The following SNRNP40 variants were observed in gnomAD, a reference collection of about 807,000 sequenced individuals.
SNRNP40 encodes the protein U5 small nuclear ribonucleoprotein 40 kDa protein.
Under a neutral mutation model 45.8 loss-of-function variants are expected in SNRNP40, and 21 were observed. The ratio of observed to expected loss-of-function variants is 0.46; its 90% CI spans 0.32 to 0.66. The LOEUF (loss-of-function observed/expected upper bound fraction) is 0.66. SNRNP40 is among the 30% of genes least tolerant of loss of function. The probability of loss-of-function intolerance (pLI) is 0.03; values close to 1 mark genes in which losing one functional copy is unlikely to be tolerated. For missense variants in SNRNP40, 344 were observed against 439.1 expected (o/e 0.78, Z 1.94); for synonymous variants, 142 against 163.8 (o/e 0.87, Z 1.01).
At chr1:31,282,877 C>T (rs1251538972) in intron 4 of SNRNP40, among the ~76,000 whole-genome samples, 6 of 152,038 alleles carry the variant, frequency 3.9e-5, no homozygotes, top group Admixed American at 1.3e-4. Flanking sequence ...GGTTTCGCCA[C>T]GTTGACCAGG....
At position 31,289,486 on chromosome 1, in the gene SNRNP40, A is replaced by C. The variant is rs1020048767; in HGVS notation, c.366-67T>G. 2.0e-6 allele frequency: 3 copies of C among 1,490,998 alleles called. No homozygotes were observed. In the African/African-American group the frequency reaches 4.2e-5, roughly 21 times the overall value. 92.4% of individuals were successfully genotyped at this position (1,490,998 alleles called of 1,614,324 possible). On this transcript the variant is annotated intron_variant, in intron 3 of 9. Transcript: ENST00000263694. ...TAAACAGTAACAATCTATCTTTCCT[A>C]CTTGACAAAAGGTGCCAAATTTTTC... is the stretch of plus-strand genomic sequence containing the variant.
At chr1:31,288,154 C>A (rs374564018) in intron 4 of SNRNP40, among the ~76,000 whole-genome samples, 27 of 149,646 alleles carry the variant, frequency 1.8e-4, no homozygotes, top group Admixed American at 1.4e-3. Context: ...TAGAGCAAGA[C>A]CCTGTCTCAA....
intron 5 of SNRNP40, among the ~76,000 whole-genome samples, chr1:31,273,197 T>G (rs1202020693): frequency 6.6e-6 from 1 of 152,216 alleles, no homozygotes; most frequent in Non-Finnish European, 1.5e-5. Context: ...CCTTCTCTTC[T>G]GAGAAGGCAC....
chr1:31,293,038 T>G (rs1646117986), intron 2 of SNRNP40, 181 bp downstream of exon 2: 2 of 622,194 alleles, frequency 3.2e-6, no homozygotes, highest in South Asian at 2.0e-5. Context: ...ATTTACCCCA[T>G]GGACTCCAAG....
chr1:31,286,165 T>TACAC (rs36080060), intron 4 of SNRNP40, among the ~76,000 whole-genome samples: 114 of 150,494 alleles, frequency 7.6e-4, no homozygotes, highest in African/African-American at 1.2e-3. Context: ...TACATTTAGG[T>TACAC]ACACACACAC....
At chr1:31,271,268 T>C (rs1242776572) in intron 6 of SNRNP40, 111 bp downstream of exon 6, 5 of 1,099,590 alleles carry the variant, frequency 4.5e-6, no homozygotes, top group South Asian at 1.6e-5. Flanking sequence ...TTCTTGACTA[T>C]CTCACCTAAA....
intron 5 of SNRNP40, among the ~76,000 whole-genome samples, chr1:31,276,858 C>A (rs1232409687): frequency 1.3e-5 from 2 of 151,948 alleles, no homozygotes; most frequent in Admixed American, 1.3e-4. Flanking sequence ...CATGGTGAAA[C>A]CATGTCTCTA....
intron 7 of SNRNP40, among the ~76,000 whole-genome samples, chr1:31,268,767 T>A (rs956889384): frequency 3.9e-5 from 6 of 152,226 alleles, no homozygotes; most frequent in Admixed American, 3.3e-4. Context: ...TTCTTAGGGT[T>A]CTAACACACA....
chr1:31,282,896 A>C (rs1193599164), intron 4 of SNRNP40, among the ~76,000 whole-genome samples: 2 of 152,096 alleles, frequency 1.3e-5, no homozygotes, highest in Admixed American at 6.5e-5. Context: ...GGCTGGTCTC[A>C]AACTCCTGGC....
chr1:31,289,734 A>G (rs967145359), intron 3 of SNRNP40, among the ~76,000 whole-genome samples: 1 of 152,186 alleles, frequency 6.6e-6, no homozygotes, highest in Non-Finnish European at 1.5e-5. Flanking sequence ...TAAACATAAG[A>G]CACCCTCTCA....
At position 31,267,795 on chromosome 1, in the gene SNRNP40, G is replaced by C. The variant is rs570789375; in HGVS notation, c.920+76C>G. Reference sequence around the variant, plus strand: ...GATCTGCCCGCCTCGGCCTCCCAAAGTGCTGGGATTGCAGGCACGAGCCAC... The same window carrying C: ...GATCTGCCCGCCTCGGCCTCCCAAACTGCTGGGATTGCAGGCACGAGCCAC... On this transcript the variant is annotated intron_variant, in intron 8 of 9. Coordinates refer to ENST00000263694, the MANE Select transcript of SNRNP40 (RefSeq NM_004814.3). 20 of 1,134,692 alleles carry C rather than the reference G, an allele frequency of 1.8e-5. No homozygotes were observed. In the South Asian group the frequency reaches 2.5e-4, roughly 14 times the overall value. 70.3% of individuals were successfully genotyped at this position (1,134,692 alleles called of 1,614,324 possible).
At chr1:31,285,631 T>C (rs1646052354) in intron 4 of SNRNP40, among the ~76,000 whole-genome samples, 2 of 152,180 alleles carry the variant, frequency 1.3e-5, no homozygotes, top group Non-Finnish European at 1.5e-5. Flanking sequence ...AGATACACTA[T>C]CACCATTTTA....
At chr1:31,277,794 A>G (rs1484824590) in intron 5 of SNRNP40, among the ~76,000 whole-genome samples, 1 of 152,210 alleles carries the variant, frequency 6.6e-6, no homozygotes, top group Non-Finnish European at 1.5e-5. Flanking sequence ...ACCCTGGTTC[A>G]AGCCAGTCTT....
intron 2 of SNRNP40, among the ~76,000 whole-genome samples, chr1:31,292,423 C>T (rs1327050716): frequency 1.3e-5 from 2 of 152,136 alleles, no homozygotes; most frequent in African/African-American, 2.4e-5. Flanking sequence ...GAAATTAAGC[C>T]TATCAATAAT....
chr1:31,260,809 G>A, intron 9 of SNRNP40: 1 of 260,586 alleles, frequency 3.8e-6, no homozygotes, highest in Admixed American at 6.4e-5. Flanking sequence ...GTTGCAGTGA[G>A]CCGAGATCGT....
At chr1:31,295,898 T>G (rs1437541792) in intron 1 of SNRNP40, among the ~76,000 whole-genome samples, 2 of 152,254 alleles carry the variant, frequency 1.3e-5, no homozygotes, top group Admixed American at 1.3e-4. Flanking sequence ...CAGGATTTAT[T>G]GAGGAGATGT....
chr1:31,274,544 C>A (rs1346301022), intron 5 of SNRNP40, among the ~76,000 whole-genome samples: 1 of 151,104 alleles, frequency 6.6e-6, no homozygotes, highest in East Asian at 1.9e-4. Flanking sequence ...CCTGGCCTGG[C>A]CTATATATTT....
At chr1:31,282,475 C>CTATCTATG (rs34466606) in intron 4 of SNRNP40, 3 of 99,530 alleles carry the variant, frequency 3.0e-5, no homozygotes, top group South Asian at 3.7e-4. Context: ...GGCTATCTAT[C>CTATCTATG]TATCTATGTA....
intron 5 of SNRNP40, among the ~76,000 whole-genome samples, chr1:31,276,592 A>C (rs1325315991): frequency 6.6e-6 from 1 of 152,184 alleles, no homozygotes; most frequent in Non-Finnish European, 1.5e-5. Flanking sequence ...ATAATAAGTG[A>C]AAAGAGATCA....
Sources: allele counts gnomAD v4.1 joint callset (sites outside exome capture counted in the v4.1 genomes callset), GRCh38; gene constraint gnomAD v4.1.1; transcripts MANE v1.5; gene names NCBI Gene and HGNC (gene_info 2026-07-23, HGNC 2026-07-21).